SCARA3: variants seen among roughly 807,000 people sequenced by gnomAD.
SCARA3 encodes cellular stress response gene protein.
A neutral mutation model predicts 47.0 loss-of-function variants in SCARA3; 39 were observed. The observed-to-expected ratio is 0.83, with a 90% CI of 0.64 to 1.08. The LOEUF is 1.08. SCARA3 is among the 50% of genes least tolerant of loss of function. The pLI, the probability that SCARA3 is intolerant of heterozygous loss-of-function variation, is 0.00. For synonymous variants in SCARA3, 356 were observed against 334.1 expected, an observed-to-expected ratio of 1.07 and a Z score of -0.71; for missense variants, 724 against 792.3, an observed-to-expected ratio of 0.91 and a Z score of 1.04.
chr8:27,663,187 A>C (rs1219779142), intron 5 of SCARA3, among the ~76,000 whole-genome samples: 2 of 152,176 alleles, frequency 1.3e-5, no homozygotes, highest in African/African-American at 4.8e-5. Context: ...CCAAAGATCT[A>C]CCCACTGGGA....
At chr8:27,638,009 G>A (rs998240373) in intron 1 of SCARA3, among the ~76,000 whole-genome samples, 3 of 152,084 alleles carry the variant, frequency 2.0e-5, no homozygotes, top group African/African-American at 7.2e-5. Flanking sequence ...GGAGCCCAGC[G>A]GCTCAGATGT....
upstream of SCARA3, among the ~76,000 whole-genome samples, chr8:27,633,653 G>A (rs1163858417): frequency 6.6e-6 from 1 of 152,142 alleles, no homozygotes; most frequent in African/African-American, 2.4e-5. Context: ...CGGGAGCCCG[G>A]GTTCGAGGCT....
At chr8:27,696,962 G>A in the SCARA3 span, among the ~76,000 whole-genome samples, 341 of 152,208 alleles carry the variant, frequency 2.2e-3, no homozygotes, top group Non-Finnish European at 4.0e-3. Context: ...TGATATCATG[G>A]TAATGGTTGC....
chr8:27,671,902 A>AC lies in SCARA3; in HGVS notation c.*556dup, dbSNP rs1324881580. On this transcript the variant is annotated 3_prime_UTR_variant, in exon 6 of 6. Transcript: ENST00000301904. The stretch of plus-strand genomic sequence containing the variant: ...GGGCAGGAGGAGAGGGCAGAGGAAG[A>AC]CCCCCTCTCCTGTGACTGAGCCTGC... 1 of 984,954 alleles carries AC rather than the reference A, an allele frequency of 1.0e-6. No individual in the cohort carries two copies. The highest frequency in any genetic ancestry group is 1.8e-5 in the African/African-American group (1 of 57,092). 61.0% of individuals were successfully genotyped at this position (984,954 alleles called of 1,614,324 possible).
intron 1 of SCARA3, among the ~76,000 whole-genome samples, chr8:27,639,223 G>T (rs1229974653): frequency 6.6e-6 from 1 of 152,216 alleles, no homozygotes. Context: ...TAGGGAGGAA[G>T]CACGCTAGTT....
upstream of SCARA3, among the ~76,000 whole-genome samples, chr8:27,633,637 A>G (rs1261572349): frequency 2.0e-5 from 3 of 152,054 alleles, no homozygotes; most frequent in African/African-American, 7.2e-5. Flanking sequence ...GGCAGGGAGG[A>G]CGCCGCGGGA....
chr8:27,719,786 C>G, the SCARA3 span, among the ~76,000 whole-genome samples: 2 of 152,230 alleles, frequency 1.3e-5, no homozygotes, highest in South Asian at 2.1e-4. Flanking sequence ...CTAATTGTCT[C>G]CCTTCCCAAC....
At chr8:27,649,898 C>G (rs1801595717) in intron 2 of SCARA3, 98 bp downstream of exon 2, 2 of 1,093,984 alleles carry the variant, frequency 1.8e-6, no homozygotes, top group African/African-American at 3.1e-5. Flanking sequence ...TAGGTGGTTT[C>G]AAAAGCCTGG....
At chr8:27,680,710 C>T (rs897987900), downstream of SCARA3, among the ~76,000 whole-genome samples, 4 of 151,956 alleles carry the variant, frequency 2.6e-5, no homozygotes, top group Non-Finnish European at 5.9e-5. Context: ...ACAAATAATC[C>T]TCAGGAATAT....
At chr8:27,674,191 C>T (rs967590166), downstream of SCARA3, among the ~76,000 whole-genome samples, 32 of 152,184 alleles carry the variant, frequency 2.1e-4, no homozygotes, top group African/African-American at 7.5e-4. Flanking sequence ...ATCCAAACAG[C>T]GGAACCTGGG....
the SCARA3 span, among the ~76,000 whole-genome samples, chr8:27,716,675 G>A: frequency 2.0e-5 from 3 of 152,190 alleles, no homozygotes; most frequent in African/African-American, 4.8e-5. Flanking sequence ...TACAGTCATC[G>A]TAGTATTAAT....
downstream of SCARA3, among the ~76,000 whole-genome samples, chr8:27,675,647 G>T (rs1802263982): frequency 6.6e-6 from 1 of 152,138 alleles, no homozygotes. Flanking sequence ...AAAATTAACT[G>T]GGCAGGGTGG....
the SCARA3 span, among the ~76,000 whole-genome samples, chr8:27,720,406 G>A: frequency 9.9e-5 from 15 of 152,104 alleles, no homozygotes; most frequent in Non-Finnish European, 1.6e-4. Flanking sequence ...GTGTAAGTCA[G>A]GTGACCCTAC....
the SCARA3 span, among the ~76,000 whole-genome samples, chr8:27,710,266 T>C: frequency 6.6e-6 from 1 of 151,266 alleles, no homozygotes; most frequent in Non-Finnish European, 1.5e-5. Context: ...ATTTCTCTTA[T>C]GCTTGAATAA....
At chr8:27,646,960 CTG>C (rs1801505985) in intron 1 of SCARA3, among the ~76,000 whole-genome samples, 2 of 101,136 alleles carry the variant, frequency 2.0e-5, no homozygotes, top group East Asian at 4.8e-4. Flanking sequence ...GCCCGCACCC[CTG>C]ACCGCCCCCG....
In SCARA3 at chr8:27,668,234, A is replaced by G. The variant is rs183370699; in HGVS notation, c.1370-2666A>G. On this transcript the variant is annotated intron_variant, in intron 5 of 5. Coordinates refer to ENST00000301904, the MANE Select transcript of SCARA3 (RefSeq NM_016240.3). ...GAGTTTTTTCTCCTTTGCTGCTGGC[A>G]CAGAATCCCTTAGAAATCACAGATA... Among the ~76,000 whole-genome samples the G allele has an allele frequency of 3.8e-4, 58 of 152,326 alleles. 1 individual carries two copies. The highest frequency in any genetic ancestry group is 1.4e-3 in the African/African-American group (58 of 41,582).
chr8:27,653,103 C>T (rs971038184), intron 3 of SCARA3, among the ~76,000 whole-genome samples: 3 of 152,202 alleles, frequency 2.0e-5, no homozygotes, highest in African/African-American at 7.2e-5. Context: ...TGTCAGAGAA[C>T]TTGTCAAGAT....
At chr8:27,678,834 A>G (rs192984504), downstream of SCARA3, among the ~76,000 whole-genome samples, 285 of 152,352 alleles carry the variant, frequency 1.9e-3, 3 homozygotes, top group Non-Finnish European at 1.8e-3. Context: ...GCAATATTTA[A>G]GATGGATAAT....
intron 5 of SCARA3, among the ~76,000 whole-genome samples, chr8:27,660,206 TGA>T (rs10579288): frequency 4.0e-5 from 6 of 149,762 alleles, no homozygotes; most frequent in African/African-American, 1.2e-4. Context: ...CAATAGTGTA[TGA>T]GAGAGAGAGA....
Sources: allele counts gnomAD v4.1 joint callset (sites outside exome capture counted in the v4.1 genomes callset), GRCh38; gene constraint gnomAD v4.1.1; transcripts MANE v1.5; gene names NCBI Gene and HGNC (gene_info 2026-07-23, HGNC 2026-07-21).